Variants in TM4SF4 observed in about 807,000 individuals in gnomAD.
TM4SF4 encodes the protein transmembrane 4 L6 family member 4.
In TM4SF4, 24 loss-of-function variants were observed where a neutral mutation model predicts 24.1. The ratio of observed to expected loss-of-function variants is 1.00; its 90% confidence interval spans 0.72 to 1.40. TM4SF4 has a LOEUF of 1.40. Among genes scored for constraint, TM4SF4 ranks in the 40% most tolerant of loss-of-function variants. TM4SF4 has a pLI of 0.00. For missense variants in TM4SF4, 254 were observed against 254.2 expected, an observed-to-expected ratio of 1.00 and a Z score of 0.01; for synonymous variants, 113 against 97.0, an observed-to-expected ratio of 1.17 and a Z score of -0.97.
intron 3 of TM4SF4, 111 bp from the exon 4 acceptor site, chr3:149,498,611 C>A: frequency 1.1e-6 from 1 of 913,180 alleles, no homozygotes; most frequent in Middle Eastern, 2.2e-4. Context: ...TCTCGTGAAG[C>A]TAGTTTTGGG....
At chr3:149,492,905 C>G (rs1014687183) in intron 3 of TM4SF4, among the ~76,000 whole-genome samples, 1 of 152,166 alleles carries the variant, frequency 6.6e-6, no homozygotes, top group African/African-American at 2.4e-5. Context: ...CTTTCATGAA[C>G]CAGAAACAGT....
intron 3 of TM4SF4, among the ~76,000 whole-genome samples, chr3:149,494,097 T>C (rs964519167): frequency 1.3e-5 from 2 of 152,182 alleles, no homozygotes; most frequent in African/African-American, 4.8e-5. Flanking sequence ...CACTGCCAGG[T>C]CCATGAAAAA....
intron 3 of TM4SF4, among the ~76,000 whole-genome samples, chr3:149,490,778 A>G (rs1734195138): frequency 6.6e-6 from 1 of 152,172 alleles, no homozygotes; most frequent in African/African-American, 2.4e-5. Flanking sequence ...TAACACTCAT[A>G]CACAGCTGCT....
In TM4SF4 at chr3:149,474,930, C is replaced by CT. The variant is rs776266010; in HGVS notation, c.60dup (p.Gly21TrpfsTer5). On this transcript the variant is annotated frameshift_variant, in exon 1 of 5. Coordinates refer to ENST00000305354, the MANE Select transcript of TM4SF4 (RefSeq NM_004617.4). LOFTEE classifies it high-confidence loss of function. ...CTGGGGGGGACCCTCATTCCCCTTG[C>CT]TTTTTTTGGCTTCCTGGCTAACATC... is the stretch of plus-strand genomic sequence containing the variant. 1.1e-5 allele frequency: 17 copies of CT among 1,613,780 alleles called. 1 individual carries two copies. In the South Asian group the frequency reaches 1.2e-4, roughly 11 times the overall value.
intron 4 of TM4SF4, among the ~76,000 whole-genome samples, chr3:149,499,208 T>C (rs1165629694): frequency 6.6e-6 from 1 of 152,226 alleles, no homozygotes; most frequent in Non-Finnish European, 1.5e-5. Flanking sequence ...ACTCTGTCTA[T>C]ATATAAACAT....
At chr3:149,499,134 C>A (rs1200934314) in intron 4 of TM4SF4, among the ~76,000 whole-genome samples, 1 of 152,194 alleles carries the variant, frequency 6.6e-6, no homozygotes, top group East Asian at 1.9e-4. Flanking sequence ...TTAAAACACC[C>A]AGGCTGAAGT....
At position 149,498,879 on chromosome 3, in the gene TM4SF4, T is replaced by C; in HGVS notation, c.559T>C (p.Cys187Arg). Reference protein sequence around the residue: ...QVVNGLLGTLCGDCQCCGCCG... With the variant: ...QVVNGLLGTLRGDCQCCGCCG... ...GGTCAATGGCCTCCTGGGGACCCTC[T>C]GTGGGGACTGCCAGTGTTGTGGCTG... is the stretch of plus-strand genomic sequence containing the variant. The change falls in exon 4 of 5, where the codon TGT becomes CGT. Residue 187 changes from cysteine to arginine, a missense_variant. Coordinates refer to ENST00000305354, the MANE Select transcript of TM4SF4 (RefSeq NM_004617.4). 7 of 1,613,964 alleles carry C rather than the reference T, an allele frequency of 4.3e-6. No homozygotes were observed. Among genetic ancestry groups the C allele is most frequent in the Non-Finnish European group, 5.9e-6 (7 of 1,179,858 alleles).
At chr3:149,498,584 GT>G in intron 3 of TM4SF4, 137 bp from the exon 4 acceptor site, 1 of 725,816 alleles carries the variant, frequency 1.4e-6, no homozygotes, top group South Asian at 1.8e-5. Context: ...TATTTAAATT[GT>G]TAGTACAGAG....
At chr3:149,492,416 TG>T (rs1474366391) in intron 3 of TM4SF4, among the ~76,000 whole-genome samples, 2 of 152,140 alleles carry the variant, frequency 1.3e-5, no homozygotes, top group African/African-American at 4.8e-5. Flanking sequence ...AAAAGAAACC[TG>T]GGCATTTTGA....
chr3:149,480,450 A>G (rs1314771806), intron 2 of TM4SF4, among the ~76,000 whole-genome samples: 1 of 152,154 alleles, frequency 6.6e-6, no homozygotes, highest in East Asian at 1.9e-4. Context: ...TCCTTAAAGC[A>G]TATTAGATAG....
rs370782174 is a variant in TM4SF4, at chr3:149,487,750, C to A, written c.396C>A (p.His132Gln). The change falls in exon 3 of 5, where the codon CAC becomes CAA. Residue 132 changes from histidine (H) to glutamine (Q), a missense_variant. Coordinates refer to ENST00000305354, the MANE Select transcript of TM4SF4 (RefSeq NM_004617.4). ...MANSTWGYPF[H>Q]DGDYLNDEAL... ...ATAGTACATGGGGCTACCCCTTCCA[C>A]GACGGGTAAGGCCACACCCTGCAAT... is the stretch of plus-strand genomic sequence containing the variant. 7.4e-6 allele frequency: 12 copies of A among 1,613,832 alleles called. No individual in the cohort carries two copies. The East Asian group carries it at 2.2e-4, about 30-fold the overall frequency.
chr3:149,481,264 A>C (rs1734028627), intron 2 of TM4SF4, among the ~76,000 whole-genome samples: 2 of 139,604 alleles, frequency 1.4e-5, no homozygotes, highest in Non-Finnish European at 3.2e-5. Context: ...AAGATTTTGC[A>C]AGCATTTGGT....
intron 3 of TM4SF4, among the ~76,000 whole-genome samples, chr3:149,496,425 A>G (rs1734312021): frequency 6.6e-6 from 1 of 152,212 alleles, no homozygotes; most frequent in Non-Finnish European, 1.5e-5. Context: ...AACTTGACCA[A>G]AAATCTGCCA....
At chr3:149,483,326 C>G (rs931466734) in intron 2 of TM4SF4, among the ~76,000 whole-genome samples, 5 of 152,032 alleles carry the variant, frequency 3.3e-5, no homozygotes, top group African/African-American at 4.8e-5. Context: ...GAATTGTAGG[C>G]CAGGTATGAT....
intron 4 of TM4SF4, among the ~76,000 whole-genome samples, chr3:149,501,022 A>T (rs1200208372): frequency 1.5e-4 from 1 of 6,678 alleles, no homozygotes; most frequent in Non-Finnish European, 4.4e-4. Context: ...AGACCTTTCC[A>T]AAAAAAAAAA....
chr3:149,499,341 A>G (rs1734373814), intron 4 of TM4SF4, among the ~76,000 whole-genome samples: 1 of 152,220 alleles, frequency 6.6e-6, no homozygotes, highest in South Asian at 2.1e-4. Context: ...AACAGAACAT[A>G]CCAATGCAAA....
chr3:149,482,076 C>T (rs1455482344), intron 2 of TM4SF4, among the ~76,000 whole-genome samples: 1 of 152,216 alleles, frequency 6.6e-6, no homozygotes, highest in East Asian at 1.9e-4. Context: ...CTGGGGATTA[C>T]TAGCAGCCTA....
intron 4 of TM4SF4, 101 bp downstream of exon 4, chr3:149,499,012 A>AG (rs1187326787): frequency 1.5e-6 from 2 of 1,300,538 alleles, no homozygotes; most frequent in African/African-American, 2.9e-5. Flanking sequence ...TGAAGGAATG[A>AG]GGGGGTAAGT....
At chr3:149,476,880 A>C (rs1189831344) in intron 2 of TM4SF4, among the ~76,000 whole-genome samples, 2 of 141,446 alleles carry the variant, frequency 1.4e-5, no homozygotes, top group Non-Finnish European at 1.5e-5. Context: ...GGCTCACAGC[A>C]GGCTTGAACT....
Sources: allele counts gnomAD v4.1 joint callset (sites outside exome capture counted in the v4.1 genomes callset), GRCh38; gene constraint gnomAD v4.1.1; transcripts MANE v1.5; gene names NCBI Gene and HGNC (gene_info 2026-07-23, HGNC 2026-07-21).